The following LRRTM4 variants were observed in gnomAD, a reference collection of about 807,000 sequenced individuals.
LRRTM4 encodes leucine rich repeat transmembrane neuronal 4, also known as leucine-rich repeat transmembrane neuronal protein 4.
A neutral mutation model predicts 47.6 loss-of-function variants in LRRTM4; 25 were observed. The observed-to-expected ratio is 0.53, with a 90% CI of 0.38 to 0.73. The LOEUF is 0.73. Among genes scored for constraint, LRRTM4 ranks in the 30% least tolerant of loss-of-function variants. LRRTM4 has a pLI of 0.00. For synonymous variants in LRRTM4, 311 were observed against 269.5 expected, an observed-to-expected ratio of 1.15 and a Z score of -1.51; for missense variants, 638 against 713.4, an observed-to-expected ratio of 0.89 and a Z score of 1.20.
chr2:77,431,697 A>C (rs1028033398), intron 3 of LRRTM4, among the ~76,000 whole-genome samples: 1 of 149,100 alleles, frequency 6.7e-6, no homozygotes, highest in South Asian at 2.1e-4. Context: ...AAATCAAATA[A>C]CTTACGTGCT....
chr2:77,321,818 T>C (rs1278926311), intron 3 of LRRTM4, among the ~76,000 whole-genome samples: 1 of 152,112 alleles, frequency 6.6e-6, no homozygotes. Context: ...AGGTATTAAT[T>C]CTGGGAGCTT....
chr2:77,466,414 A>C (rs1573452599), intron 3 of LRRTM4, among the ~76,000 whole-genome samples: 1 of 152,202 alleles, frequency 6.6e-6, no homozygotes, highest in Admixed American at 6.6e-5. Context: ...CGTGAGGTTA[A>C]TGTTCTGAGA....
intron 3 of LRRTM4, among the ~76,000 whole-genome samples, chr2:77,010,958 G>A (rs1359112408): frequency 1.3e-5 from 2 of 152,048 alleles, no homozygotes. Flanking sequence ...ACATCAGTAT[G>A]ATTTTGGGGA....
At chr2:76,853,556 T>C (rs1301025369) in intron 3 of LRRTM4, among the ~76,000 whole-genome samples, 1 of 152,028 alleles carries the variant, frequency 6.6e-6, no homozygotes, top group Non-Finnish European at 1.5e-5. Flanking sequence ...GTCAAGAAAA[T>C]GATGCCCATA....
At chr2:77,422,678 T>C (rs1280959315) in intron 3 of LRRTM4, among the ~76,000 whole-genome samples, 2 of 152,180 alleles carry the variant, frequency 1.3e-5, no homozygotes, top group Admixed American at 6.5e-5. Context: ...CTGATGATGA[T>C]ATAGAGTTTA....
chr2:77,021,419 G>A (rs191945765), intron 3 of LRRTM4, among the ~76,000 whole-genome samples: 53 of 152,216 alleles, frequency 3.5e-4, no homozygotes, highest in African/African-American at 1.3e-3. Context: ...TACACATTAA[G>A]ACATCAAGAT....
In LRRTM4 at chr2:76,800,550, C is replaced by G. The variant is rs564643076; in HGVS notation, c.1552-51634G>C. ...TTTAGGACATAGGCATGGGCAAGGA[C>G]TTCATGTCTAAAACACCAAAAGCAA... is the stretch of plus-strand genomic sequence containing the variant. On this transcript the variant is annotated intron_variant, in intron 3 of 3. Transcript: ENST00000409884. Among the ~76,000 whole-genome samples, 712 of 146,782 alleles carry G rather than the reference C, an allele frequency of 4.9e-3. 4 individuals carry two copies. Among genetic ancestry groups the G allele is most frequent in the African/African-American group, 0.017 (684 of 39,154 alleles).
chr2:76,835,303 A>T (rs200040181), intron 3 of LRRTM4, among the ~76,000 whole-genome samples: 1 of 87,148 alleles, frequency 1.1e-5, no homozygotes, highest in Non-Finnish European at 2.5e-5. Flanking sequence ...AACTAATGTG[A>T]GTGTCTGGCT....
At chr2:76,933,411 AT>A (rs201572040) in intron 3 of LRRTM4, among the ~76,000 whole-genome samples, 6 of 150,992 alleles carry the variant, frequency 4.0e-5, no homozygotes, top group Non-Finnish European at 3.0e-5. Flanking sequence ...GCAGAGGTAT[AT>A]TTTTTTTTAG....
At chr2:76,920,169 T>C (rs763614359) in intron 3 of LRRTM4, among the ~76,000 whole-genome samples, 3 of 152,194 alleles carry the variant, frequency 2.0e-5, no homozygotes, top group Non-Finnish European at 4.4e-5. Flanking sequence ...GAGATATTTA[T>C]GACACTGTAA....
chr2:77,290,422 A>C (rs1676790281), intron 3 of LRRTM4, among the ~76,000 whole-genome samples: 1 of 151,968 alleles, frequency 6.6e-6, no homozygotes, highest in Admixed American at 6.6e-5. Context: ...GGGGAGCATA[A>C]AGAGGAGATA....
At chr2:77,112,647 G>C (rs905717448) in intron 3 of LRRTM4, among the ~76,000 whole-genome samples, 1 of 150,438 alleles carries the variant, frequency 6.6e-6, no homozygotes, top group African/African-American at 2.4e-5. Flanking sequence ...TTTTTTTGAG[G>C]TAATTTCTGC....
chr2:77,237,264 G>A (rs928743853), intron 3 of LRRTM4, among the ~76,000 whole-genome samples: 7 of 151,222 alleles, frequency 4.6e-5, no homozygotes, highest in East Asian at 3.9e-4. Flanking sequence ...CCAGATTCAC[G>A]CTTGGGAGAT....
At chr2:77,185,816 G>A (rs964961108) in intron 3 of LRRTM4, among the ~76,000 whole-genome samples, 1 of 152,086 alleles carries the variant, frequency 6.6e-6, no homozygotes, top group South Asian at 2.1e-4. Context: ...GGCCTAGTTT[G>A]AATTACTGTT....
chr2:77,302,002 A>G (rs1677144002), intron 3 of LRRTM4, among the ~76,000 whole-genome samples: 2 of 152,198 alleles, frequency 1.3e-5, no homozygotes, highest in South Asian at 4.1e-4. Flanking sequence ...TCATTTAAAA[A>G]CTATTTTAGA....
chr2:77,093,204 C>T (rs559552136), intron 3 of LRRTM4, among the ~76,000 whole-genome samples: 1 of 148,926 alleles, frequency 6.7e-6, no homozygotes, highest in East Asian at 2.0e-4. Flanking sequence ...TTTTTCCAAG[C>T]CATCACAGCT....
intron 3 of LRRTM4, among the ~76,000 whole-genome samples, chr2:77,483,012 T>G (rs1468978713): frequency 6.7e-6 from 1 of 148,900 alleles, no homozygotes; most frequent in Admixed American, 6.8e-5. Context: ...TCCCAGCTAC[T>G]CAGGAGGCTG....
intron 3 of LRRTM4, among the ~76,000 whole-genome samples, chr2:76,984,133 T>A (rs1431641579): frequency 6.6e-6 from 1 of 151,702 alleles, no homozygotes; most frequent in Admixed American, 6.6e-5. Context: ...AATTGCATTT[T>A]AAAAAAATAG....
rs567346357 is a variant in LRRTM4, at chr2:77,313,443, C to T, written c.1551+204875G>A. On this transcript the variant is annotated intron_variant, in intron 3 of 3. Transcript: ENST00000409884. ...CCTGCTGCTGTGATGTACCTCCCTA[C>T]GTTTTCCTGTAATCCTGTTGCTGTG... Among the ~76,000 whole-genome samples, 6 of 150,906 alleles carry T rather than the reference C, an allele frequency of 4.0e-5. No individual in the cohort carries two copies. In the South Asian group the frequency reaches 6.4e-4, roughly 16 times the overall value.
Sources: gnomAD v4.1 joint callset for allele counts (sites outside exome capture counted in the v4.1 genomes callset) on GRCh38, gnomAD v4.1.1 for gene constraint, MANE v1.5 for transcripts, NCBI Gene and HGNC (gene_info 2026-07-23, HGNC 2026-07-21) for gene names.